Variants in GUCY2F observed in about 807,000 individuals in gnomAD.
The protein encoded by GUCY2F is guanylate cyclase 2F, retinal.
Under a neutral mutation model 73.1 loss-of-function variants are expected in GUCY2F, and 61 were observed. That is an observed-to-expected ratio of 0.83 (90% CI 0.68 to 1.03). The LOEUF (loss-of-function observed/expected upper bound fraction) is 1.03, where lower values mean the gene tolerates loss of function less well. GUCY2F is among the 50% of genes least tolerant of loss of function. The probability of loss-of-function intolerance (pLI) is 0.00; values close to 1 mark genes in which losing one functional copy is unlikely to be tolerated. For synonymous variants in GUCY2F, 331 were observed against 307.8 expected, an observed-to-expected ratio of 1.08 and a Z score of -0.79; for missense variants, 912 against 854.3, an observed-to-expected ratio of 1.07 and a Z score of -0.84.
chrX:109,445,492 A>G (rs188538526), intron 6 of GUCY2F, among the ~76,000 whole-genome samples: 3 of 112,271 alleles, frequency 2.7e-5, no homozygotes, highest in Non-Finnish European at 3.8e-5. Context: ...CATGAGCCAT[A>G]TATGTAATTT....
In GUCY2F at chrX:109,376,150, T is replaced by C. The variant is rs764209173; in HGVS notation, c.3168A>G (p.Glu1056=). The C allele has an allele frequency of 8.4e-7, 1 of 1,190,372 alleles. No individual in the cohort carries two copies. The highest frequency in any genetic ancestry group is 1.1e-6 in the Non-Finnish European group (1 of 875,973). Reference sequence around the variant, plus strand: ...CTTTTTTCCCAATCAGCCAGAAGGTTTCCTCTGTGCCTTTGCCCTTATTAT... The same window carrying C: ...CTTTTTTCCCAATCAGCCAGAAGGTCTCCTCTGTGCCTTTGCCCTTATTAT... ...RTELKGKGTE[E]TFWLIGKKGF... The change falls in exon 18 of 20, where the codon GAA becomes GAG. Residue 1056 remains glutamate (E), a synonymous_variant. Coordinates refer to ENST00000218006, the MANE Select transcript of GUCY2F (RefSeq NM_001522.3).
intron 10 of GUCY2F, among the ~76,000 whole-genome samples, chrX:109,401,620 A>G (rs1404000268): frequency 8.9e-6 from 1 of 111,742 alleles, no homozygotes; most frequent in Non-Finnish European, 1.9e-5. Flanking sequence ...TCCTGCCCCC[A>G]CAGAGCTTGT....
chrX:109,468,432 G>C (rs1227834954), intron 2 of GUCY2F, among the ~76,000 whole-genome samples: 1 of 111,456 alleles, frequency 9.0e-6, no homozygotes, highest in African/African-American at 3.3e-5. Context: ...TTGTACACTT[G>C]GGTATTTTTT....
intron 7 of GUCY2F, among the ~76,000 whole-genome samples, chrX:109,438,464 A>C (rs954543445): frequency 1.8e-5 from 2 of 113,121 alleles, no homozygotes; most frequent in Non-Finnish European, 3.7e-5. Flanking sequence ...CAATGTTGGG[A>C]TATGCACAAG....
At chrX:109,453,910 C>T in intron 3 of GUCY2F, 51 bp from the exon 4 acceptor site, 1 of 683,797 alleles carries the variant, frequency 1.5e-6, no homozygotes. Context: ...CTAGAGCGAT[C>T]TCAGAGTATA....
At chrX:109,399,155 TTA>T (rs1930779771) in intron 10 of GUCY2F, among the ~76,000 whole-genome samples, 1 of 112,500 alleles carries the variant, frequency 8.9e-6, no homozygotes, top group Non-Finnish European at 1.9e-5. Flanking sequence ...TCTAAAAGGA[TTA>T]GAGTTACCCC....
At chrX:109,445,515 T>C (rs1466923482) in intron 6 of GUCY2F, among the ~76,000 whole-genome samples, 1 of 111,953 alleles carries the variant, frequency 8.9e-6, no homozygotes, top group African/African-American at 3.2e-5. Context: ...AGTTTTCTAG[T>C]AGTCACAATT....
chrX:109,376,816 A>G (rs1389268382), intron 17 of GUCY2F, among the ~76,000 whole-genome samples: 1 of 111,681 alleles, frequency 9.0e-6, no homozygotes, highest in African/African-American at 3.3e-5. Flanking sequence ...CAGAGGAGTC[A>G]AATTTTCTGC....
chrX:109,395,634 C>T, intron 11 of GUCY2F, 145 bp from the exon 12 acceptor site: 1 of 468,908 alleles, frequency 2.1e-6, no homozygotes, highest in Non-Finnish European at 3.7e-6. Context: ...CCTTAGGTGG[C>T]CTGAATATAG....
chrX:109,401,237 G>A (rs924195602), intron 10 of GUCY2F, among the ~76,000 whole-genome samples: 1 of 112,079 alleles, frequency 8.9e-6, no homozygotes, highest in African/African-American at 3.3e-5. Flanking sequence ...GGGAAAACTA[G>A]AGAAATTACT....
chrX:109,458,763 T>C (rs2147279503), intron 3 of GUCY2F, among the ~76,000 whole-genome samples: 1 of 111,437 alleles, frequency 9.0e-6, no homozygotes, highest in African/African-American at 3.3e-5. Context: ...TAACATTAAT[T>C]GAGGGGTTAT....
chrX:109,441,064 T>C (rs995683421), intron 7 of GUCY2F, among the ~76,000 whole-genome samples: 1 of 112,193 alleles, frequency 8.9e-6, no homozygotes, highest in Non-Finnish European at 1.9e-5. Flanking sequence ...ATATATCTTC[T>C]GGAGTGACAG....
intron 2 of GUCY2F, among the ~76,000 whole-genome samples, chrX:109,468,348 T>C (rs1157249924): frequency 8.9e-6 from 1 of 112,399 alleles, no homozygotes; most frequent in Non-Finnish European, 1.9e-5. Flanking sequence ...TCCATATCCT[T>C]GTACATATTA....
At chrX:109,393,460 C>T (rs1446466924) in intron 12 of GUCY2F, among the ~76,000 whole-genome samples, 1 of 111,219 alleles carries the variant, frequency 9.0e-6, no homozygotes, top group African/African-American at 3.3e-5. Context: ...TTTTACTCTT[C>T]TGGATCATCA....
chrX:109,475,012 C>CTGTT (rs1178190705), intron 2 of GUCY2F, among the ~76,000 whole-genome samples, 195 bp downstream of exon 2: 4 of 112,091 alleles, frequency 3.6e-5, no homozygotes, highest in African/African-American at 1.3e-4. Flanking sequence ...GTTCTTTGTA[C>CTGTT]TGTTATTCAG....
intron 8 of GUCY2F, among the ~76,000 whole-genome samples, chrX:109,420,251 A>AAG (rs1256967166): frequency 9.8e-6 from 1 of 101,843 alleles, no homozygotes; most frequent in Non-Finnish European, 2.0e-5. Context: ...AAGAAAAAGA[A>AAG]AGAGAGAGGG....
intron 19 of GUCY2F, among the ~76,000 whole-genome samples, chrX:109,375,436 G>A (rs1386375146): frequency 9.0e-6 from 1 of 111,307 alleles, no homozygotes; most frequent in Non-Finnish European, 1.9e-5. Flanking sequence ...ATCAGGCAGT[G>A]CCTCCGGAGG....
chrX:109,421,190 A>G (rs1931363552), intron 8 of GUCY2F, among the ~76,000 whole-genome samples: 2 of 111,352 alleles, frequency 1.8e-5, no homozygotes, highest in Admixed American at 1.9e-4. Flanking sequence ...GGAAAACAGT[A>G]TGAAACTTTA....
Position 109,392,035 on chromosome X carries a change from T to C in GUCY2F, c.2657A>G (p.Tyr886Cys), listed in dbSNP as rs771612859. The C allele has an allele frequency of 3.0e-5, 36 of 1,207,153 alleles. No individual in the cohort carries two copies. Among genetic ancestry groups the C allele is most frequent in the Non-Finnish European group, 4.0e-5 (36 of 893,099 alleles). Reference protein sequence around the residue: ...EPEGFDLVTLYFSDIVGFTTI... With the variant: ...EPEGFDLVTLCFSDIVGFTTI... ...TGTGAAGCCCACAATGTCGCTGAAG[T>C]ACAAGGTGACCAAGTCAAAGCCCTC... Residue 886 changes from tyrosine to cysteine, a missense_variant, in exon 14 of 20, where the codon TAC (tyrosine) becomes TGC (cysteine). Tyr to Cys is a radical substitution (Grantham distance 194). Transcript: ENST00000218006.
Sources: allele counts gnomAD v4.1 joint callset (sites outside exome capture counted in the v4.1 genomes callset), GRCh38; gene constraint gnomAD v4.1.1; transcripts MANE v1.5; gene names NCBI Gene and HGNC (gene_info 2026-07-23, HGNC 2026-07-21).